Variants in SHISA9 observed in about 807,000 individuals in gnomAD.
The protein encoded by SHISA9 is protein shisa-9.
In SHISA9, 13 loss-of-function variants were observed where a neutral mutation model predicts 38.0. The observed-to-expected ratio is 0.34, with a 90% CI of 0.22 to 0.54. SHISA9 has a LOEUF of 0.54. Ranked by LOEUF, SHISA9 falls within the 20% of genes least tolerant of loss-of-function variation. SHISA9 has a pLI of 0.91. For synonymous variants in SHISA9, 275 were observed against 242.0 expected (o/e 1.14, Z -1.27); for missense variants, 538 against 575.8 (o/e 0.93, Z 0.67).
intron 2 of SHISA9, among the ~76,000 whole-genome samples, chr16:13,049,811 C>T (rs1341529420): frequency 6.6e-6 from 1 of 151,968 alleles, no homozygotes; most frequent in Admixed American, 6.6e-5. Flanking sequence ...TTCTCACCTC[C>T]TGAAATGCTC....
intron 2 of SHISA9, among the ~76,000 whole-genome samples, chr16:13,143,073 C>G (rs2050416223): frequency 1.3e-5 from 2 of 149,964 alleles, no homozygotes; most frequent in Admixed American, 6.7e-5. Flanking sequence ...GTGGTGTGAT[C>G]TCGACTCACT....
chr16:13,300,513 T>C, the SHISA9 span, among the ~76,000 whole-genome samples: 2 of 152,158 alleles, frequency 1.3e-5, no homozygotes, highest in East Asian at 3.9e-4. Context: ...CAAAGTCTCA[T>C]TTATTAATTG....
chr16:13,382,668 G>A, the SHISA9 span, among the ~76,000 whole-genome samples: 3 of 152,006 alleles, frequency 2.0e-5, no homozygotes, highest in African/African-American at 7.2e-5. Flanking sequence ...AGACAAGCTT[G>A]ACCAACATGG....
chr16:13,219,710 G>C (rs1026307669), intron 4 of SHISA9, among the ~76,000 whole-genome samples: 6 of 152,222 alleles, frequency 3.9e-5, no homozygotes, highest in African/African-American at 1.4e-4. Context: ...TAGGAGAGAG[G>C]CTTTGGGAGG....
chr16:13,087,525 G>C (rs1477324399), intron 2 of SHISA9, among the ~76,000 whole-genome samples: 1 of 152,146 alleles, frequency 6.6e-6, no homozygotes, highest in Non-Finnish European at 1.5e-5. Context: ...ATTCTAAATG[G>C]TGTGAGATGG....
intron 2 of SHISA9, among the ~76,000 whole-genome samples, chr16:12,988,887 G>A (rs532009868): frequency 3.9e-5 from 6 of 152,078 alleles, no homozygotes; most frequent in East Asian, 3.9e-4. Flanking sequence ...AATGAAATTC[G>A]CCTGTTGTAA....
the SHISA9 span, among the ~76,000 whole-genome samples, chr16:13,513,178 C>A: frequency 1.9e-3 from 292 of 152,240 alleles, no homozygotes; most frequent in African/African-American, 6.6e-3. Context: ...ACCAAACAAT[C>A]CCATCAAAAG....
intron 1 of SHISA9, among the ~76,000 whole-genome samples, chr16:12,912,659 A>G (rs1325673798): frequency 6.6e-6 from 1 of 152,046 alleles, no homozygotes; most frequent in Non-Finnish European, 1.5e-5. Flanking sequence ...AGCCCCTTTG[A>G]GTTTCAGACC....
At chr16:13,175,791 A>G (rs2050726663) in intron 2 of SHISA9, among the ~76,000 whole-genome samples, 1 of 152,176 alleles carries the variant, frequency 6.6e-6, no homozygotes, top group South Asian at 2.1e-4. Flanking sequence ...CATCACTTTG[A>G]TAATAAAATA....
chr16:13,551,237 C>G, the SHISA9 span, among the ~76,000 whole-genome samples: 2,652 of 152,238 alleles, frequency 0.017, 28 homozygotes, highest in Middle Eastern at 0.048. Context: ...CAAACACACA[C>G]AAATGTCCCA....
chr16:13,168,921 A>C (rs1242322952), intron 2 of SHISA9, among the ~76,000 whole-genome samples: 2 of 152,258 alleles, frequency 1.3e-5, no homozygotes, highest in African/African-American at 2.4e-5. Flanking sequence ...TGACGCATGC[A>C]TCGTGCCTGG....
chr16:13,173,454 C>G (rs1235407695), intron 2 of SHISA9, among the ~76,000 whole-genome samples: 5 of 82,392 alleles, frequency 6.1e-5, no homozygotes, highest in African/African-American at 1.6e-4. Flanking sequence ...TTACCATGTT[C>G]CAGGACCTGT....
intron 1 of SHISA9, among the ~76,000 whole-genome samples, chr16:12,912,318 C>G (rs1039447192): frequency 8.5e-5 from 13 of 152,180 alleles, no homozygotes; most frequent in African/African-American, 3.1e-4. Context: ...TGAAATTTCA[C>G]AAATTTTGGT....
intron 2 of SHISA9, among the ~76,000 whole-genome samples, chr16:12,969,706 C>T (rs1275996036): frequency 6.6e-6 from 1 of 152,140 alleles, no homozygotes; most frequent in Non-Finnish European, 1.5e-5. Context: ...GAGAGCGTGC[C>T]ATTGCACTCT....
chr16:12,946,947 T>C (rs1315510061), intron 2 of SHISA9, among the ~76,000 whole-genome samples: 2 of 152,274 alleles, frequency 1.3e-5, no homozygotes, highest in Non-Finnish European at 2.9e-5. Context: ...CCATGGCTTT[T>C]TCTGCTGCAA....
At chr16:13,525,649 A>G in the SHISA9 span, among the ~76,000 whole-genome samples, 1 of 152,044 alleles carries the variant, frequency 6.6e-6, no homozygotes, top group Non-Finnish European at 1.5e-5. Flanking sequence ...AATAAGTGGG[A>G]AAAAAATCTT....
At chr16:13,358,060 C>G in the SHISA9 span, among the ~76,000 whole-genome samples, 17 of 152,214 alleles carry the variant, frequency 1.1e-4, no homozygotes, top group African/African-American at 3.9e-4. Context: ...AGAGGCCTGA[C>G]AGTATGCCTC....
the SHISA9 span, among the ~76,000 whole-genome samples, chr16:13,546,102 T>C: frequency 6.6e-6 from 1 of 152,154 alleles, no homozygotes; most frequent in Non-Finnish European, 1.5e-5. Context: ...GCCAGACTTG[T>C]CTTTGGAGAT....
intron 2 of SHISA9, among the ~76,000 whole-genome samples, chr16:12,985,240 A>C (rs935955480): frequency 7.7e-6 from 1 of 130,238 alleles, no homozygotes; most frequent in Non-Finnish European, 1.6e-5. Context: ...TAAATAAATA[A>C]GTAAATAAAT....
Sources: allele counts gnomAD v4.1 joint callset (sites outside exome capture counted in the v4.1 genomes callset), GRCh38; gene constraint gnomAD v4.1.1; transcripts MANE v1.5; gene names NCBI Gene and HGNC (gene_info 2026-07-23, HGNC 2026-07-21).